The following SMARCA5 variants were observed in gnomAD, a reference collection of about 807,000 sequenced individuals.
SMARCA5 encodes the protein SWI/SNF-related matrix-associated actin-dependent regulator of chromatin subfamily A member 5.
SMARCA5 carries 18 observed loss-of-function variants against 140.4 expected under a neutral mutation model. That is an observed-to-expected ratio of 0.13 (90% CI 0.09 to 0.19). The LOEUF (loss-of-function observed/expected upper bound fraction) is 0.19. SMARCA5 is among the 10% of genes least tolerant of loss of function. The probability of loss-of-function intolerance (pLI) is 1.00; values close to 1 mark genes in which losing one functional copy is unlikely to be tolerated. For missense variants in SMARCA5, 606 were observed against 1,276.8 expected (o/e 0.47, Z 8.01); for synonymous variants, 449 against 419.6 (o/e 1.07, Z -0.86).
intron 11 of SMARCA5, among the ~76,000 whole-genome samples, chr4:143,538,158 A>G (rs1287779008): frequency 2.0e-5 from 3 of 152,174 alleles, no homozygotes; most frequent in African/African-American, 7.2e-5. Flanking sequence ...TTGTAGATAT[A>G]TGAGGCACAT....
Position 143,525,514 on chromosome 4 carries a change from A to T in SMARCA5, c.584A>T (p.Tyr195Phe), listed in dbSNP as rs1737050761. ...VRGLNWLISL[Y>F]ENGINGILAD... ...GGATTAAACTGGCTCATTTCTTTGT[A>T]TGAGAATGGCATCAATGGTATCCTT... Residue 195 changes from tyrosine (Y) to phenylalanine (F), a missense_variant, in exon 5 of 24, where the codon TAT becomes TTT. This residue lies in a region of SMARCA5 where 110 missense variants were observed against 287.7 expected (regional missense o/e 0.38). Coordinates refer to ENST00000283131, the MANE Select transcript of SMARCA5 (RefSeq NM_003601.4). 5.0e-6 allele frequency: 8 copies of T among 1,613,268 alleles called. No individual in the cohort carries two copies. Among genetic ancestry groups the T allele is most frequent in the Non-Finnish European group, 6.8e-6 (8 of 1,179,232 alleles).
intron 14 of SMARCA5, 38 bp from the exon 15 acceptor site, chr4:143,543,471 C>T: frequency 1.3e-6 from 2 of 1,553,598 alleles, no homozygotes; most frequent in Non-Finnish European, 1.7e-6. Context: ...AAAATAAAGT[C>T]TGTTCAGTTA....
chr4:143,551,493 G>T (rs560679685), intron 23 of SMARCA5, among the ~76,000 whole-genome samples: 1 of 152,168 alleles, frequency 6.6e-6, no homozygotes, highest in South Asian at 2.1e-4. Context: ...CAGTGTTCTG[G>T]AGAGTTTTCC....
rs553627192 is a variant in SMARCA5, at chr4:143,519,336, T to A, written c.252+1907T>A. Among the ~76,000 whole-genome samples, 286 of 152,268 alleles carry A rather than the reference T, an allele frequency of 1.9e-3. 1 individual carries two copies. Among genetic ancestry groups the A allele is most frequent in the African/African-American group, 6.5e-3 (271 of 41,570 alleles). On this transcript the variant is annotated intron_variant, in intron 2 of 23. Coordinates refer to ENST00000283131, the MANE Select transcript of SMARCA5 (RefSeq NM_003601.4). ...ACAATAAGTTTACTTACGAGTTTAT[T>A]CTCTTTTCCATATCACCCTAGTTTA...
chr4:143,557,133 A>C lies in SMARCA5; in HGVS notation c.*3949A>C, dbSNP rs748122404. ...TTTGGGGGGTAATGAGGCTATGAGA[A>C]GATTGAGGATCTAGGTACTTGCCTT... On this transcript the variant is annotated 3_prime_UTR_variant, in exon 24 of 24. Coordinates refer to ENST00000283131, the MANE Select transcript of SMARCA5 (RefSeq NM_003601.4). 6.6e-6 allele frequency: 1 copy of C among 152,210 alleles called. No individual in the cohort carries two copies. The highest frequency in any genetic ancestry group is 1.5e-5 in the Non-Finnish European group (1 of 68,048). The allele number at this position is 152,210 out of a possible 1,614,324, so 9.4% of individuals were successfully genotyped here.
In SMARCA5 at chr4:143,538,711, A is replaced by G. The variant is rs1356289943; in HGVS notation, c.1617A>G (p.Gln539=). 1.2e-6 allele frequency: 2 copies of G among 1,614,000 alleles called. No homozygotes were observed. Among genetic ancestry groups the G allele is most frequent in the East Asian group, 2.2e-5 (1 of 44,870 alleles). The change falls in exon 12 of 24, where the codon CAA becomes CAG. Residue 539 remains glutamine, a splice_region_variant and synonymous_variant. Transcript: ENST00000283131. ...GTCAGACACCCCATGATGAGAGACA[A>G]GTGAGTAAAATTTGGGGAGGGAGAT... The part of the protein sequence containing the change: ...LDGQTPHDER[Q]DSINAYNEPN...
chr4:143,525,579 G>T (rs758665404), intron 5 of SMARCA5, 28 bp downstream of exon 5: 3 of 1,378,600 alleles, frequency 2.2e-6, no homozygotes, highest in Non-Finnish European at 3.1e-6. Flanking sequence ...TTTTTGAAGG[G>T]TATGTTTTGT....
At chr4:143,538,960 T>C (rs755794655) in intron 13 of SMARCA5, 22 bp downstream of exon 13, 3 of 1,606,726 alleles carry the variant, frequency 1.9e-6, no homozygotes, top group Admixed American at 3.3e-5. Flanking sequence ...CGAATAAATA[T>C]ATTCTGTGCT....
At chr4:143,543,722 G>GT in intron 15 of SMARCA5, 65 bp downstream of exon 15, 3 of 1,506,350 alleles carry the variant, frequency 2.0e-6, no homozygotes, top group Non-Finnish European at 2.7e-6. Context: ...GGAAATATTT[G>GT]TTACATTGAT....
intron 5 of SMARCA5, among the ~76,000 whole-genome samples, 195 bp downstream of exon 5, chr4:143,525,746 A>T (rs1737055198): frequency 6.6e-6 from 1 of 152,234 alleles, no homozygotes; most frequent in South Asian, 2.1e-4. Flanking sequence ...AATATGATAA[A>T]TTTAAAAAGA....
At chr4:143,533,498 C>CTTTTTTTTTTTTTT (rs10580434) in intron 9 of SMARCA5, among the ~76,000 whole-genome samples, 2 of 127,550 alleles carry the variant, frequency 1.6e-5, no homozygotes, top group African/African-American at 6.0e-5. Flanking sequence ...CTTGTCCATT[C>CTTTTTTTTTTTTTT]TTTTTTTTTT....
In SMARCA5 at chr4:143,534,869, C is replaced by T. The variant is rs201351469; in HGVS notation, c.1173C>T (p.Phe391=). Residue 391 remains phenylalanine, a synonymous_variant, in exon 10 of 24, where the codon TTC becomes TTT. Transcript: ENST00000283131. ...VERLHMVLRP[F]LLRRIKADVE... ...TCCTTTTTAAGGTTTTGCGTCCATT[C>T]CTCCTTCGTCGAATTAAGGCTGATG... 3.2e-5 allele frequency: 52 copies of T among 1,611,786 alleles called. No individual in the cohort carries two copies. In the Admixed American group the frequency reaches 7.5e-4, roughly 23 times the overall value.
At position 143,555,467 on chromosome 4, in the gene SMARCA5, A is replaced by C. The variant is rs1317453601; in HGVS notation, c.*2283A>C. 2 of 529,456 alleles carry C rather than the reference A, an allele frequency of 3.8e-6. No homozygotes were observed. Among genetic ancestry groups the C allele is most frequent in the African/African-American group, 3.8e-5 (2 of 52,462 alleles). 32.8% of individuals were successfully genotyped at this position (529,456 alleles called of 1,614,324 possible). Reference sequence around the variant, plus strand: ...AATAGTTTCTGTTCTGTGGAAAGTAAAGCATTCCAACACAGGGTTTCAGTG... The same window carrying C: ...AATAGTTTCTGTTCTGTGGAAAGTACAGCATTCCAACACAGGGTTTCAGTG... On this transcript the variant is annotated 3_prime_UTR_variant, in exon 24 of 24. Coordinates refer to ENST00000283131, the MANE Select transcript of SMARCA5 (RefSeq NM_003601.4).
chr4:143,528,547 A>G lies in SMARCA5; in HGVS notation c.958-36A>G, dbSNP rs760919511. The G allele has an allele frequency of 4.4e-6, 7 of 1,590,682 alleles. No individual in the cohort carries two copies. The East Asian group carries it at 1.6e-4, about 36-fold the overall frequency. On this transcript the variant is annotated intron_variant, in intron 7 of 23. Coordinates refer to ENST00000283131, the MANE Select transcript of SMARCA5 (RefSeq NM_003601.4). The stretch of plus-strand genomic sequence containing the variant: ...CTGTTGTAGATAATGCAATATGCAG[A>G]ATATTCTAATGGTGTATTTGGTTCT...
In SMARCA5 at chr4:143,527,026, G is replaced by T. The variant is rs150944860; in HGVS notation, c.801+566G>T. On this transcript the variant is annotated intron_variant, in intron 6 of 23. Transcript: ENST00000283131. ...AAAAGATATTTTGAAATGTGAGTTG[G>T]TTGGAAATTTAAGGAGCCACATTTT... Among the ~76,000 whole-genome samples the T allele has an allele frequency of 1.2e-3, 187 of 152,318 alleles. 3 individuals are homozygous for T. The South Asian group carries it at 0.019, about 15-fold the overall frequency.
At chr4:143,529,108 T>C (rs1020225357) in intron 8 of SMARCA5, among the ~76,000 whole-genome samples, 6 of 152,108 alleles carry the variant, frequency 3.9e-5, no homozygotes, top group African/African-American at 1.4e-4. Context: ...CTAGTTTCTG[T>C]GTTTTTTGTA....
intron 11 of SMARCA5, among the ~76,000 whole-genome samples, chr4:143,537,973 A>G (rs1192627851): frequency 3.9e-5 from 6 of 152,078 alleles, no homozygotes; most frequent in African/African-American, 1.4e-4. Context: ...ACGTGTGACA[A>G]CAGCAGATTG....
At chr4:143,520,559 G>C (rs769580794) in intron 2 of SMARCA5, among the ~76,000 whole-genome samples, 1 of 152,254 alleles carries the variant, frequency 6.6e-6, no homozygotes, top group African/African-American at 2.4e-5. Context: ...ACAACATTAT[G>C]GCATTTGGAT....
In SMARCA5 at chr4:143,543,496, A is replaced by C. The variant is rs1737469873; in HGVS notation, c.1904-13A>C. ...CTGTTCAGTTAACATTATACAACAC[A>C]ATCTTTTTTCAGGGAGGCTTGTGGA... On this transcript the variant is annotated splice_polypyrimidine_tract_variant and intron_variant, in intron 14 of 23. Transcript: ENST00000283131. The C allele has an allele frequency of 6.2e-7, 1 of 1,611,100 alleles. No individual in the cohort carries two copies. Among genetic ancestry groups the C allele is most frequent in the Non-Finnish European group, 8.5e-7 (1 of 1,178,562 alleles).
Sources: allele counts gnomAD v4.1 joint callset (sites outside exome capture counted in the v4.1 genomes callset), GRCh38; gene constraint gnomAD v4.1.1; regional missense constraint gnomAD v4.1.1; transcripts MANE v1.5; gene names NCBI Gene and HGNC (gene_info 2026-07-23, HGNC 2026-07-21).